The following SPMIP3 variants were observed in gnomAD, a reference collection of about 807,000 sequenced individuals.
SPMIP3 encodes the protein protein SPMIP3.
the SPMIP3 span, among the ~76,000 whole-genome samples, chr1:244,368,104 C>T: frequency 2.6e-5 from 4 of 151,986 alleles, no homozygotes; most frequent in African/African-American, 7.3e-5. Flanking sequence ...GGACTACAGG[C>T]GCCCACCACC....
the SPMIP3 span, among the ~76,000 whole-genome samples, chr1:244,377,904 C>G: frequency 6.6e-6 from 1 of 152,130 alleles, no homozygotes; most frequent in African/African-American, 2.4e-5. Flanking sequence ...CTCCTGGGCT[C>G]AAGGGATCCT....
the SPMIP3 span, among the ~76,000 whole-genome samples, chr1:244,383,293 C>T: frequency 6.6e-6 from 1 of 152,118 alleles, no homozygotes. Context: ...GGGAGGACAG[C>T]TTGAGGACAG....
At chr1:244,368,932 G>A in the SPMIP3 span, among the ~76,000 whole-genome samples, 2 of 152,352 alleles carry the variant, frequency 1.3e-5, no homozygotes, top group East Asian at 3.9e-4. Flanking sequence ...AGGCGAGGCA[G>A]GCGGATCATG....
chr1:244,372,578 G>A, the SPMIP3 span, among the ~76,000 whole-genome samples: 1 of 152,076 alleles, frequency 6.6e-6, no homozygotes, highest in East Asian at 1.9e-4. Flanking sequence ...CAAATAGCTG[G>A]GACTACAGGT....
chr1:244,372,725 G>A, the SPMIP3 span, among the ~76,000 whole-genome samples: 1,119 of 152,248 alleles, frequency 7.3e-3, 23 homozygotes, highest in African/African-American at 0.026. Flanking sequence ...TTACAGGCGC[G>A]AGCCCAGCCT....
the SPMIP3 span, among the ~76,000 whole-genome samples, chr1:244,365,377 T>G: frequency 6.6e-6 from 1 of 152,174 alleles, no homozygotes; most frequent in Non-Finnish European, 1.5e-5. Context: ...GCTGTTCTCC[T>G]GACAGTGAAT....
At chr1:244,385,384 C>CA in the SPMIP3 span, among the ~76,000 whole-genome samples, 1 of 152,132 alleles carries the variant, frequency 6.6e-6, no homozygotes, top group Non-Finnish European at 1.5e-5. Context: ...CCTTAGGAAA[C>CA]ATTTTTTGGG....
chr1:244,353,373 T>C, the SPMIP3 span, among the ~76,000 whole-genome samples: 1 of 152,188 alleles, frequency 6.6e-6, no homozygotes, highest in Non-Finnish European at 1.5e-5. Flanking sequence ...AGCAAGGTCC[T>C]GTCTCTGTTT....
At chr1:244,386,683 A>G in the SPMIP3 span, among the ~76,000 whole-genome samples, 51,756 of 152,160 alleles carry the variant, frequency 0.34, 9,456 homozygotes, top group Admixed American at 0.41. Flanking sequence ...GACTACAGAC[A>G]GGATCACACT....
At chr1:244,354,354 A>ATT in the SPMIP3 span, among the ~76,000 whole-genome samples, 4 of 107,190 alleles carry the variant, frequency 3.7e-5, no homozygotes, top group African/African-American at 1.0e-4. Context: ...CCAAACTTTG[A>ATT]TTTTTTTTTT....
chr1:244,366,179 T>G, the SPMIP3 span, among the ~76,000 whole-genome samples: 1 of 152,172 alleles, frequency 6.6e-6, no homozygotes, highest in South Asian at 2.1e-4. Context: ...TATTTTATTT[T>G]TATTTATTTA....
the SPMIP3 span, among the ~76,000 whole-genome samples, chr1:244,388,074 C>A: frequency 1.3e-5 from 2 of 151,794 alleles, no homozygotes; most frequent in African/African-American, 4.8e-5. Context: ...ATTACAGGCA[C>A]CTGCCACCAC....
the SPMIP3 span, among the ~76,000 whole-genome samples, chr1:244,372,155 C>A: frequency 3.3e-5 from 5 of 152,200 alleles, no homozygotes; most frequent in Non-Finnish European, 7.3e-5. Context: ...TTCCCCAACC[C>A]CTTTGCTTAT....
the SPMIP3 span, among the ~76,000 whole-genome samples, chr1:244,358,221 C>T: frequency 1.3e-5 from 2 of 150,266 alleles, no homozygotes; most frequent in Admixed American, 6.7e-5. Flanking sequence ...CAGAGCCAGA[C>T]TCTGTCTCAA....
chr1:244,355,832 C>T, the SPMIP3 span, among the ~76,000 whole-genome samples: 1 of 152,164 alleles, frequency 6.6e-6, no homozygotes, highest in Non-Finnish European at 1.5e-5. Flanking sequence ...CTCAGGTCTT[C>T]TCTGGTTTCT....
the SPMIP3 span, among the ~76,000 whole-genome samples, chr1:244,377,980 A>AT: frequency 4.6e-5 from 7 of 151,804 alleles, no homozygotes; most frequent in Non-Finnish European, 1.0e-4. Context: ...TAATTTTTGT[A>AT]TTTTTTTGTA....
At chr1:244,367,180 G>A in the SPMIP3 span, among the ~76,000 whole-genome samples, 46,858 of 151,862 alleles carry the variant, frequency 0.31, 8,178 homozygotes, top group East Asian at 0.76. Flanking sequence ...GCTGGGAGAA[G>A]GTTGGGACGG....
At chr1:244,389,293 T>C in the SPMIP3 span, 3 of 352,866 alleles carry the variant, frequency 8.5e-6, no homozygotes, top group South Asian at 1.2e-4. Context: ...CCCAGTCTTA[T>C]TGCTGATGCT....
chr1:244,367,746 G>C, the SPMIP3 span, among the ~76,000 whole-genome samples: 1 of 152,188 alleles, frequency 6.6e-6, no homozygotes, highest in Non-Finnish European at 1.5e-5. Context: ...CTAGGCAGGA[G>C]TGGCCAATGG....
Sources: allele counts gnomAD v4.1 joint callset (sites outside exome capture counted in the v4.1 genomes callset), GRCh38; gene constraint gnomAD v4.1.1; transcripts MANE v1.5; gene names NCBI Gene and HGNC (gene_info 2026-07-23, HGNC 2026-07-21).